CRY1: variants seen among roughly 807,000 people sequenced by gnomAD.
CRY1 encodes cryptochrome circadian regulator 1.
In CRY1, 45 loss-of-function variants were observed where a neutral mutation model predicts 76.0. The ratio of observed to expected loss-of-function variants is 0.59; its 90% CI spans 0.47 to 0.76. CRY1 has a LOEUF of 0.76. CRY1 is among the 30% of genes least tolerant of loss of function. CRY1 has a pLI of 0.00. For missense variants in CRY1, 587 were observed against 716.4 expected, an observed-to-expected ratio of 0.82 and a Z score of 2.06; for synonymous variants, 248 against 244.0, an observed-to-expected ratio of 1.02 and a Z score of -0.15.
chr12:106,992,123 A>C (rs1411506416), intron 12 of CRY1, 122 bp from the exon 13 acceptor site: 3 of 152,202 alleles, frequency 2.0e-5, no homozygotes, highest in Non-Finnish European at 2.9e-5. Context: ...TTAGGTTGAC[A>C]TAAAAAAACT....
At chr12:107,002,033 A>G in intron 3 of CRY1, 85 bp from the exon 4 acceptor site, 1 of 1,163,334 alleles carries the variant, frequency 8.6e-7, no homozygotes, top group Admixed American at 2.7e-5. Flanking sequence ...CTTAAAAAGC[A>G]GAAAATAAAA....
chr12:107,045,071 T>TA (rs1211304787), intron 1 of CRY1, among the ~76,000 whole-genome samples: 1 of 152,026 alleles, frequency 6.6e-6, no homozygotes, highest in Non-Finnish European at 1.5e-5. Flanking sequence ...CACGGCACAT[T>TA]ACAGTCAAAT....
chr12:107,072,892 C>T (rs1384087581), intron 1 of CRY1: 1 of 151,952 alleles, frequency 6.6e-6, no homozygotes, highest in Non-Finnish European at 1.5e-5. Context: ...TAGAAATGAT[C>T]GTAAAATATT....
chr12:107,065,630 G>T (rs754538719), intron 1 of CRY1, among the ~76,000 whole-genome samples: 21 of 152,046 alleles, frequency 1.4e-4, no homozygotes, highest in Non-Finnish European at 2.2e-4. Context: ...GGGAATTTTG[G>T]TGTATAGAAC....
At chr12:107,079,434 G>A (rs927940160) in intron 1 of CRY1, among the ~76,000 whole-genome samples, 47 of 152,268 alleles carry the variant, frequency 3.1e-4, no homozygotes, top group African/African-American at 9.1e-4. Context: ...AACATCTTCT[G>A]AGTCCTGGTA....
intron 1 of CRY1, among the ~76,000 whole-genome samples, chr12:107,028,192 G>C (rs1399582994): frequency 6.6e-6 from 1 of 152,092 alleles, no homozygotes; most frequent in Non-Finnish European, 1.5e-5. Context: ...GAGATTCTCA[G>C]TCATTAACCA....
At chr12:107,077,469 C>A (rs779385417) in intron 1 of CRY1, among the ~76,000 whole-genome samples, 1 of 152,112 alleles carries the variant, frequency 6.6e-6, no homozygotes, top group Non-Finnish European at 1.5e-5. Flanking sequence ...AGTCCCACGG[C>A]CATTTAATAG....
intron 1 of CRY1, among the ~76,000 whole-genome samples, chr12:107,040,919 TA>T (rs34404696): frequency 0.011 from 1,547 of 140,322 alleles, 12 homozygotes; most frequent in African/African-American, 0.019. Context: ...TATAAACCTT[TA>T]AAAAAAAAAA....
At chr12:107,078,890 C>A (rs1048472124) in intron 1 of CRY1, among the ~76,000 whole-genome samples, 1 of 152,136 alleles carries the variant, frequency 6.6e-6, no homozygotes, top group South Asian at 2.1e-4. Flanking sequence ...TTCACTGTAC[C>A]TCTACAGGCT....
rs879318720 is a variant in CRY1, at chr12:107,001,760, T to C, written c.595+4A>G. ...GCCTCACACTGACTACAGTTTACAC[T>C]CACCTAGCTCTTCCAGTGAAGGGAC... On this transcript the variant is annotated splice_donor_region_variant and intron_variant, in intron 4 of 12. Coordinates refer to ENST00000008527, the MANE Select transcript of CRY1 (RefSeq NM_004075.5). The C allele has an allele frequency of 7.2e-6, 11 of 1,536,946 alleles. No homozygotes were observed. In the Admixed American group the frequency reaches 7.5e-5, roughly 11 times the overall value.
intron 2 of CRY1, among the ~76,000 whole-genome samples, chr12:107,017,557 T>C (rs948257246): frequency 6.6e-6 from 1 of 152,220 alleles, no homozygotes; most frequent in African/African-American, 2.4e-5. Context: ...TCTCTATATG[T>C]GGCCTCCCAA....
At chr12:107,006,754 C>T (rs765820906) in intron 2 of CRY1, among the ~76,000 whole-genome samples, 22 of 151,468 alleles carry the variant, frequency 1.5e-4, no homozygotes, top group Non-Finnish European at 3.1e-4. Context: ...CAGGTTCAAG[C>T]GATTCTCCTG....
chr12:107,034,463 A>G (rs1952711952), intron 1 of CRY1, among the ~76,000 whole-genome samples: 3 of 151,980 alleles, frequency 2.0e-5, no homozygotes, highest in Admixed American at 2.0e-4. Flanking sequence ...TTGTTTCTCT[A>G]CTTGTCTAAT....
At chr12:107,068,767 G>C (rs1467482625) in intron 1 of CRY1, among the ~76,000 whole-genome samples, 2 of 151,946 alleles carry the variant, frequency 1.3e-5, no homozygotes, top group Non-Finnish European at 2.9e-5. Flanking sequence ...CCCCTGCCCC[G>C]AGCTACCACT....
At chr12:107,090,814 T>C (rs1353741747) in intron 1 of CRY1, among the ~76,000 whole-genome samples, 4 of 152,180 alleles carry the variant, frequency 2.6e-5, no homozygotes, top group Non-Finnish European at 4.4e-5. Context: ...AACTGCCTAT[T>C]TGCTATCTCC....
chr12:107,039,555 G>A (rs1593519197), intron 1 of CRY1, among the ~76,000 whole-genome samples: 1 of 152,114 alleles, frequency 6.6e-6, no homozygotes, highest in Admixed American at 6.6e-5. Context: ...ATGGCCAACA[G>A]GTATATGAAA....
At chr12:107,047,789 C>T (rs1952867348) in intron 1 of CRY1, among the ~76,000 whole-genome samples, 1 of 152,074 alleles carries the variant, frequency 6.6e-6, no homozygotes, top group Admixed American at 6.5e-5. Context: ...CAGACTAATA[C>T]AAACACCTAT....
intron 1 of CRY1, among the ~76,000 whole-genome samples, chr12:107,052,826 T>C (rs1952938526): frequency 6.6e-6 from 1 of 152,192 alleles, no homozygotes; most frequent in African/African-American, 2.4e-5. Context: ...AAGAGATTAT[T>C]AGGTTAGAAA....
chr12:107,030,376 T>G (rs1390965589), intron 1 of CRY1, among the ~76,000 whole-genome samples: 4 of 152,212 alleles, frequency 2.6e-5, no homozygotes, highest in African/African-American at 9.6e-5. Flanking sequence ...TCTGGATGTC[T>G]CTGACTCCAA....
Sources: gnomAD v4.1 joint callset for allele counts (sites outside exome capture counted in the v4.1 genomes callset) on GRCh38, gnomAD v4.1.1 for gene constraint, MANE v1.5 for transcripts, NCBI Gene and HGNC (gene_info 2026-07-23, HGNC 2026-07-21) for gene names.